Variants in GABBR2 observed in about 807,000 individuals in gnomAD.
GABBR2 encodes gamma-aminobutyric acid type B receptor subunit 2.
GABBR2 carries 23 observed loss-of-function variants against 105.6 expected under a neutral mutation model. The ratio of observed to expected loss-of-function variants is 0.22; its 90% confidence interval spans 0.16 to 0.31. The LOEUF (loss-of-function observed/expected upper bound fraction) is 0.31. Among genes scored for constraint, GABBR2 ranks in the 10% least tolerant of loss-of-function variants. The pLI is 1.00. For synonymous variants in GABBR2, 478 were observed against 499.7 expected, an observed-to-expected ratio of 0.96 and a Z score of 0.58; for missense variants, 734 against 1,245.5, an observed-to-expected ratio of 0.59 and a Z score of 6.18.
chr9:98,420,363 G>A (rs1832761435), intron 7 of GABBR2, among the ~76,000 whole-genome samples: 1 of 152,216 alleles, frequency 6.6e-6, no homozygotes, highest in South Asian at 2.1e-4. Context: ...TCCCGCCAGA[G>A]CCCCAGTGGC....
At chr9:98,663,888 T>C (rs1188180511) in intron 1 of GABBR2, among the ~76,000 whole-genome samples, 1 of 152,126 alleles carries the variant, frequency 6.6e-6, no homozygotes, top group Non-Finnish European at 1.5e-5. Flanking sequence ...CCCAGACATT[T>C]TGAGGATTGT....
At chr9:98,581,933 T>C (rs1465475234) in intron 1 of GABBR2, among the ~76,000 whole-genome samples, 1 of 152,238 alleles carries the variant, frequency 6.6e-6, no homozygotes, top group Non-Finnish European at 1.5e-5. Context: ...TTCTCACAAA[T>C]ACAAAACACT....
Position 98,468,988 on chromosome 9 carries a change from T to C in GABBR2, c.999+4158A>G, listed in dbSNP as rs540020893. 2.0e-5 allele frequency among the ~76,000 whole-genome samples: 3 copies of C among 152,278 alleles called. No individual in the cohort carries two copies. The South Asian group carries it at 6.2e-4, about 32-fold the overall frequency. On this transcript the variant is annotated intron_variant, in intron 6 of 18. Transcript: ENST00000259455. Reference sequence around the variant, plus strand: ...GGATCTGCCTCTACCTGCTGGATGATTGTATTAGATTTGTGGGGCTGCCAA... The same window carrying C: ...GGATCTGCCTCTACCTGCTGGATGACTGTATTAGATTTGTGGGGCTGCCAA...
chr9:98,697,944 T>C (rs79861612), intron 1 of GABBR2, among the ~76,000 whole-genome samples: 2,044 of 152,354 alleles, frequency 0.013, 50 homozygotes, highest in African/African-American at 0.047. Flanking sequence ...CTGGGCATTT[T>C]TCAGAAAGGC....
chr9:98,643,431 G>T (rs2131839092), intron 1 of GABBR2, among the ~76,000 whole-genome samples: 1 of 152,366 alleles, frequency 6.6e-6, no homozygotes, highest in African/African-American at 2.4e-5. Flanking sequence ...TTGCATAGTG[G>T]ACATTCTTTC....
chr9:98,660,400 C>T (rs115999508), intron 1 of GABBR2, among the ~76,000 whole-genome samples: 1,855 of 152,162 alleles, frequency 0.012, 48 homozygotes, highest in African/African-American at 0.042. Flanking sequence ...TTTGCTTGTA[C>T]CAACCTGAGA....
chr9:98,553,271 A>T (rs1588225636), intron 2 of GABBR2, among the ~76,000 whole-genome samples: 4 of 152,058 alleles, frequency 2.6e-5, no homozygotes, highest in Non-Finnish European at 5.9e-5. Flanking sequence ...AGGGAGGTAT[A>T]GTGACTTGCC....
At chr9:98,317,470 G>A (rs542535708) in intron 13 of GABBR2, among the ~76,000 whole-genome samples, 1 of 152,358 alleles carries the variant, frequency 6.6e-6, no homozygotes, top group South Asian at 2.1e-4. Context: ...AGGTGTTGAG[G>A]CCTGAAAGGT....
chr9:98,335,933 G>A (rs144064304), intron 13 of GABBR2, among the ~76,000 whole-genome samples: 1 of 152,300 alleles, frequency 6.6e-6, no homozygotes, highest in Non-Finnish European at 1.5e-5. Flanking sequence ...CTGGCCCTGT[G>A]CAAGGCCATG....
intron 1 of GABBR2, among the ~76,000 whole-genome samples, chr9:98,684,543 G>A (rs75659380): frequency 0.014 from 2,153 of 152,222 alleles, 53 homozygotes; most frequent in African/African-American, 0.05. Flanking sequence ...CAGTGGTGAC[G>A]GATTCCATTG....
In GABBR2 at chr9:98,426,068, G is replaced by C. The variant is rs369506266; in HGVS notation, c.1237-19927C>G. 1.2e-3 allele frequency among the ~76,000 whole-genome samples: 181 copies of C among 152,312 alleles called. 1 individual carries two copies. The highest frequency in any genetic ancestry group is 4.2e-3 in the African/African-American group (175 of 41,558). On this transcript the variant is annotated intron_variant, in intron 7 of 18. Transcript: ENST00000259455. ...GAGGACATACATAGGGCTGTGAGGA[G>C]CTCAGAAGGCTGGCACATGAGGGGT...
At chr9:98,535,662 A>C (rs1472337088) in intron 3 of GABBR2, among the ~76,000 whole-genome samples, 1 of 152,146 alleles carries the variant, frequency 6.6e-6, no homozygotes, top group East Asian at 1.9e-4. Flanking sequence ...CCAATCCCCC[A>C]TGGTTACTAA....
At chr9:98,511,841 G>C (rs2131697458) in intron 3 of GABBR2, among the ~76,000 whole-genome samples, 1 of 152,254 alleles carries the variant, frequency 6.6e-6, no homozygotes, top group African/African-American at 2.4e-5. Context: ...AGGAGGAACT[G>C]GTACCATTCC....
intron 1 of GABBR2, among the ~76,000 whole-genome samples, chr9:98,592,904 C>T (rs1327801155): frequency 6.6e-6 from 1 of 152,212 alleles, no homozygotes; most frequent in African/African-American, 2.4e-5. Context: ...CCAGTGCCAG[C>T]TTAAGGAGGT....
chr9:98,661,254 A>G (rs1431241981), intron 1 of GABBR2, among the ~76,000 whole-genome samples: 13 of 152,196 alleles, frequency 8.5e-5, no homozygotes, highest in Admixed American at 8.5e-4. Flanking sequence ...TTTGCCATGG[A>G]AGGCAACATT....
intron 17 of GABBR2, among the ~76,000 whole-genome samples, chr9:98,295,262 G>A (rs1406008041): frequency 3.9e-5 from 6 of 152,172 alleles, no homozygotes; most frequent in South Asian, 4.1e-4. Context: ...CTGCCTTAGC[G>A]CTTAGCTTTT....
chr9:98,708,329 C>G, intron 1 of GABBR2, 88 bp downstream of exon 1: 1 of 1,256,898 alleles, frequency 8.0e-7, no homozygotes, highest in Non-Finnish European at 1.0e-6. Flanking sequence ...AATCGGGGAT[C>G]TGACCAAAGG....
chr9:98,525,192 A>AC (rs1213051688), intron 3 of GABBR2, among the ~76,000 whole-genome samples: 2 of 143,886 alleles, frequency 1.4e-5, no homozygotes, highest in Non-Finnish European at 2.9e-5. Flanking sequence ...ACTTTTGTGC[A>AC]AAAAAACACC....
intron 3 of GABBR2, among the ~76,000 whole-genome samples, chr9:98,518,470 T>G (rs747708667): frequency 6.6e-6 from 1 of 152,228 alleles, no homozygotes; most frequent in Non-Finnish European, 1.5e-5. Context: ...CCCTCCTATG[T>G]CTAAGTCCTG....
Sources: allele counts gnomAD v4.1 joint callset (sites outside exome capture counted in the v4.1 genomes callset), GRCh38; gene constraint gnomAD v4.1.1; transcripts MANE v1.5; gene names NCBI Gene and HGNC (gene_info 2026-07-23, HGNC 2026-07-21).